MAML2: variants seen among roughly 807,000 people sequenced by gnomAD.
MAML2 encodes the protein mastermind-like protein 2.
A neutral mutation model predicts 96.1 loss-of-function variants in MAML2; 22 were observed. The observed-to-expected ratio is 0.23, with a 90% CI of 0.16 to 0.33. The LOEUF is 0.33. Among genes scored for constraint, MAML2 ranks in the 10% least tolerant of loss-of-function variants. The pLI, the probability that MAML2 is intolerant of heterozygous loss-of-function variation, is 1.00. For missense variants in MAML2, 1,367 were observed against 1,392.4 expected, an observed-to-expected ratio of 0.98 and a Z score of 0.29; for synonymous variants, 561 against 521.3, an observed-to-expected ratio of 1.08 and a Z score of -1.04.
At chr11:96,134,584 G>A (rs1455116387) in intron 1 of MAML2, among the ~76,000 whole-genome samples, 4 of 152,186 alleles carry the variant, frequency 2.6e-5, no homozygotes, top group African/African-American at 9.7e-5. Flanking sequence ...AAGTTTTGCT[G>A]TATGTAAATT....
intron 2 of MAML2, among the ~76,000 whole-genome samples, chr11:96,018,577 T>C (rs1260896455): frequency 6.6e-6 from 1 of 152,072 alleles, no homozygotes; most frequent in Non-Finnish European, 1.5e-5. Context: ...GAGAAGAAAG[T>C]ATGTCAAGGA....
intron 1 of MAML2, among the ~76,000 whole-genome samples, chr11:96,122,238 C>G (rs1459652244): frequency 6.6e-6 from 1 of 152,044 alleles, no homozygotes; most frequent in African/African-American, 2.4e-5. Context: ...GGCCTCCTGA[C>G]TTGCAGATAA....
chr11:96,281,019 A>G (rs1346268820), intron 1 of MAML2, among the ~76,000 whole-genome samples: 1 of 152,214 alleles, frequency 6.6e-6, no homozygotes, highest in Non-Finnish European at 1.5e-5. Flanking sequence ...GTATTTTCCA[A>G]TGTAGTGAGT....
At chr11:96,077,413 G>C (rs1195593273) in intron 2 of MAML2, among the ~76,000 whole-genome samples, 1 of 151,580 alleles carries the variant, frequency 6.6e-6, no homozygotes, top group Non-Finnish European at 1.5e-5. Context: ...TAGAGACAGG[G>C]TTTCACTATG....
At chr11:96,271,188 C>T (rs1465987694) in intron 1 of MAML2, among the ~76,000 whole-genome samples, 1 of 152,170 alleles carries the variant, frequency 6.6e-6, no homozygotes, top group Non-Finnish European at 1.5e-5. Context: ...AGCTTGTAGG[C>T]AACCTATTTG....
At chr11:96,188,306 TA>T (rs1861602536) in intron 1 of MAML2, among the ~76,000 whole-genome samples, 1 of 152,248 alleles carries the variant, frequency 6.6e-6, no homozygotes, top group Admixed American at 6.5e-5. Context: ...TTTCAGATTT[TA>T]AAACTGCTTT....
At chr11:96,240,566 A>C (rs1056799251) in intron 1 of MAML2, among the ~76,000 whole-genome samples, 22 of 145,358 alleles carry the variant, frequency 1.5e-4, no homozygotes, top group Middle Eastern at 3.6e-3. Context: ...TCAAAAAAAA[A>C]AAAAAAAAAA....
intron 1 of MAML2, among the ~76,000 whole-genome samples, chr11:96,127,684 AT>A (rs1400677703): frequency 6.6e-6 from 1 of 152,212 alleles, no homozygotes; most frequent in Non-Finnish European, 1.5e-5. Context: ...GTAAAAACAC[AT>A]TTGGATTTTG....
rs759499813 is a variant in MAML2 at position 96,092,704 on chromosome 11, G to A, written c.1327C>T (p.Arg443Cys). ...TGCTGCATCCGGGCATGCTGCTGAC[G>A]ATTAGCAGCTATCTGTTTGAGCTGC... ...AQQLKQIAAN[R>C]QQHARMQQHQ... The change falls in exon 2 of 5, where the codon CGT becomes TGT. Residue 443 changes from arginine to cysteine, a missense_variant. Physicochemically the swap from Arg to Cys is radical, Grantham distance 180. Coordinates refer to ENST00000524717, the MANE Select transcript of MAML2 (RefSeq NM_032427.4). This position sits in a 1 kb window ranked among gnomAD's most constrained non-coding sequence, Gnocchi z 4.1. The A allele has an allele frequency of 9.9e-6, 16 of 1,613,878 alleles. No homozygotes were observed. The highest frequency in any genetic ancestry group is 1.6e-4 in the Middle Eastern group (1 of 6,084).
chr11:96,340,497 T>C (rs772495737), intron 1 of MAML2, among the ~76,000 whole-genome samples: 1 of 152,212 alleles, frequency 6.6e-6, no homozygotes, highest in Non-Finnish European at 1.5e-5. Flanking sequence ...GAATCAATGA[T>C]CCAAGGGATA....
intron 1 of MAML2, among the ~76,000 whole-genome samples, chr11:96,190,495 T>A (rs1591064214): frequency 6.6e-6 from 1 of 152,194 alleles, no homozygotes; most frequent in African/African-American, 2.4e-5. Context: ...CACAGGTCAC[T>A]TATGGTAAGG....
rs562280626 is a variant in MAML2, at chr11:96,051,024, C to T, written c.2139+40868G>A. Among the ~76,000 whole-genome samples the T allele has an allele frequency of 3.3e-5, 5 of 149,882 alleles. No homozygotes were observed. The South Asian group carries it at 1.1e-3, about 33-fold the overall frequency. ...AATGTCTAGCTGAGCCTAAGAAATC[C>T]CCCTGCTGGCTGTTGCATGTTGGTT... On this transcript the variant is annotated intron_variant, in intron 2 of 4. Transcript: ENST00000524717.
chr11:96,229,418 T>C (rs10765800), intron 1 of MAML2, among the ~76,000 whole-genome samples: 71,938 of 150,324 alleles, frequency 0.48, 17,653 homozygotes, highest in Middle Eastern at 0.63. Flanking sequence ...CCAAGGCCTT[T>C]CACACCCCTG....
chr11:96,174,036 G>A (rs996055722), intron 1 of MAML2, among the ~76,000 whole-genome samples: 7 of 152,184 alleles, frequency 4.6e-5, no homozygotes, highest in Non-Finnish European at 1.0e-4. Context: ...CTTCACAAAA[G>A]GCGGCAACAG....
rs561234277 is a variant in MAML2, at chr11:96,242,644, G to A, written c.513+98739C>T. 4.0e-5 allele frequency among the ~76,000 whole-genome samples: 6 copies of A among 151,474 alleles called. No individual in the cohort carries two copies. In the East Asian group the frequency reaches 9.7e-4, roughly 24 times the overall value. Reference sequence around the variant, plus strand: ...ATGAAAGCCATCTGCACCTGCTCACGAAACAGCTTAAAGAGAAAAAAAAAG... The same window carrying A: ...ATGAAAGCCATCTGCACCTGCTCACAAAACAGCTTAAAGAGAAAAAAAAAG... On this transcript the variant is annotated intron_variant, in intron 1 of 4. Coordinates refer to ENST00000524717, the MANE Select transcript of MAML2 (RefSeq NM_032427.4).
intron 2 of MAML2, among the ~76,000 whole-genome samples, chr11:96,042,006 T>A (rs1858820960): frequency 6.7e-6 from 1 of 148,426 alleles, no homozygotes. Context: ...AGACAGAGTC[T>A]TGCTCTGTTG....
chr11:96,249,049 A>G (rs1193988982), intron 1 of MAML2, among the ~76,000 whole-genome samples: 2 of 152,222 alleles, frequency 1.3e-5, no homozygotes, highest in Non-Finnish European at 2.9e-5. Context: ...CCACTGATTG[A>G]AAGTCACCAA....
At chr11:96,116,066 C>G (rs1038990683) in intron 1 of MAML2, among the ~76,000 whole-genome samples, 1 of 152,140 alleles carries the variant, frequency 6.6e-6, no homozygotes, top group African/African-American at 2.4e-5. Flanking sequence ...AGCTAGGTAT[C>G]TACTGGGATT....
rs970709757 is a variant in MAML2 at position 95,987,131 on chromosome 11, A to G, written c.2344-1489T>C. On this transcript the variant is annotated intron_variant, in intron 3 of 4. Coordinates refer to ENST00000524717, the MANE Select transcript of MAML2 (RefSeq NM_032427.4). ...CTAGATTGGAAGCTGTCACAAAGTA[A>G]AGTCAATTCTAACTGAATAAAGAAG... Among the ~76,000 whole-genome samples, 4 of 152,170 alleles carry G rather than the reference A, an allele frequency of 2.6e-5. 1 individual carries two copies. Among genetic ancestry groups the G allele is most frequent in the Admixed American group, 2.0e-4 (3 of 15,268 alleles).
Sources: allele counts gnomAD v4.1 joint callset (sites outside exome capture counted in the v4.1 genomes callset), GRCh38; gene constraint gnomAD v4.1.1; non-coding constraint Gnocchi (gnomAD v3.1); transcripts MANE v1.5; gene names NCBI Gene and HGNC (gene_info 2026-07-23, HGNC 2026-07-21).